The following ANO4 variants were observed in gnomAD, a reference collection of about 807,000 sequenced individuals.
ANO4 encodes anoctamin 4.
ANO4 carries 69 observed loss-of-function variants against 141.9 expected under a neutral mutation model. The ratio of observed to expected loss-of-function variants is 0.49; its 90% confidence interval spans 0.40 to 0.59. The LOEUF (loss-of-function observed/expected upper bound fraction) is 0.59. Ranked by LOEUF, ANO4 falls within the 20% of genes least tolerant of loss-of-function variation. The pLI, the probability that ANO4 is intolerant of heterozygous loss-of-function variation, is 0.00. For synonymous variants in ANO4, 350 were observed against 394.3 expected (o/e 0.89, Z 1.33); for missense variants, 894 against 1,162.2 (o/e 0.77, Z 3.36).
At chr12:100,727,731 T>C (rs2031192019) in intron 1 of ANO4, among the ~76,000 whole-genome samples, 2 of 152,182 alleles carry the variant, frequency 1.3e-5, no homozygotes, top group East Asian at 1.9e-4. Context: ...TCTGTATTTT[T>C]CCTATGACTT....
At chr12:100,924,633 G>T (rs764493199) in intron 3 of ANO4, among the ~76,000 whole-genome samples, 9 of 152,050 alleles carry the variant, frequency 5.9e-5, no homozygotes, top group Non-Finnish European at 1.0e-4. Context: ...ATAAAAATCA[G>T]ATTATTAGAC....
intron 3 of ANO4, 60 bp from the exon 4 acceptor site, chr12:100,939,255 G>C (rs2042407571): frequency 9.2e-6 from 14 of 1,523,390 alleles, no homozygotes; most frequent in African/African-American, 1.4e-5. Flanking sequence ...TTCTCTTTTA[G>C]CATTGCTTTC....
chr12:100,772,048 G>T (rs1025139748), intron 3 of ANO4, among the ~76,000 whole-genome samples: 1 of 152,182 alleles, frequency 6.6e-6, no homozygotes, highest in Non-Finnish European at 1.5e-5. Flanking sequence ...TTCCTGGAGG[G>T]CCAGAACTGA....
At chr12:100,718,443 G>A (rs901249963) in intron 1 of ANO4, among the ~76,000 whole-genome samples, 1 of 152,214 alleles carries the variant, frequency 6.6e-6, no homozygotes, top group Non-Finnish European at 1.5e-5. Context: ...GGAAAGCTGT[G>A]AGCAATTGAT....
chr12:101,011,318 CTT>C (rs59483191), intron 8 of ANO4, among the ~76,000 whole-genome samples: 4 of 110,680 alleles, frequency 3.6e-5, no homozygotes, highest in Admixed American at 1.8e-4. Context: ...GGCCTTTTTT[CTT>C]TTTTTTTTTT....
At chr12:100,771,782 G>A (rs767425478) in intron 3 of ANO4, among the ~76,000 whole-genome samples, 6 of 152,230 alleles carry the variant, frequency 3.9e-5, no homozygotes, top group Non-Finnish European at 8.8e-5. Flanking sequence ...ATCGGCTTCT[G>A]CATGAAGATG....
rs977470803 is a variant in ANO4, at chr12:100,858,760, C to T, written c.-140-42886C>T. On this transcript the variant is annotated intron_variant, in intron 1 of 27. Transcript: ENST00000392977. ...TCCATTTTCCCTCAGCTTCCTATTT[C>T]TTGCCAGTAGCTTCATTGCAAAACC... Among the ~76,000 whole-genome samples the T allele has an allele frequency of 5.9e-5, 9 of 152,170 alleles. 1 individual carries two copies. Among genetic ancestry groups the T allele is most frequent in the Admixed American group, 1.3e-4 (2 of 15,256 alleles).
intron 26 of ANO4, 138 bp downstream of exon 26, chr12:101,120,763 C>A (rs2051054563): frequency 4.7e-6 from 3 of 643,196 alleles, no homozygotes; most frequent in South Asian, 4.6e-5. Context: ...TATGTAACCT[C>A]TTTTTGATCT....
chr12:100,921,139 TGTTGAGAATCTACTTC>T (rs2041614021), intron 2 of ANO4, among the ~76,000 whole-genome samples: 11 of 152,154 alleles, frequency 7.2e-5, no homozygotes, highest in Admixed American at 7.2e-4. Context: ...GAATCTACTT[TGTTGAGAATCTACTTC>T]ATGCCAGCTC....
At chr12:100,739,334 C>A (rs1422469743) in intron 2 of ANO4, among the ~76,000 whole-genome samples, 1 of 152,052 alleles carries the variant, frequency 6.6e-6, no homozygotes, top group Non-Finnish European at 1.5e-5. Context: ...AGTTTCTGAT[C>A]TACTTTAAAA....
At chr12:100,870,735 T>C (rs2038990535) in intron 1 of ANO4, among the ~76,000 whole-genome samples, 1 of 152,174 alleles carries the variant, frequency 6.6e-6, no homozygotes, top group South Asian at 2.1e-4. Context: ...AGGAAATCAA[T>C]ATCTAGGCTT....
chr12:100,781,636 A>T (rs1218776130), intron 3 of ANO4, among the ~76,000 whole-genome samples: 2 of 152,172 alleles, frequency 1.3e-5, no homozygotes, highest in Non-Finnish European at 2.9e-5. Flanking sequence ...ACATTTAAAT[A>T]ATGTCTTACT....
intron 1 of ANO4, among the ~76,000 whole-genome samples, chr12:100,883,488 C>T (rs976964749): frequency 1.3e-5 from 2 of 152,244 alleles, no homozygotes; most frequent in African/African-American, 4.8e-5. Context: ...GACCTCTAAT[C>T]TAAGAGAGAG....
intron 1 of ANO4, among the ~76,000 whole-genome samples, chr12:100,882,890 G>A (rs1450800708): frequency 6.6e-6 from 1 of 152,016 alleles, no homozygotes; most frequent in Non-Finnish European, 1.5e-5. Flanking sequence ...TAGTAGAGAC[G>A]AGGTTTCTCC....
chr12:100,954,210 G>T (rs975026789), intron 5 of ANO4, among the ~76,000 whole-genome samples: 1 of 152,096 alleles, frequency 6.6e-6, no homozygotes, highest in African/African-American at 2.4e-5. Flanking sequence ...GGAATGAAGT[G>T]TTCAATAAAT....
intron 2 of ANO4, among the ~76,000 whole-genome samples, chr12:100,919,736 GTATCTATCTATCTATCTATCTATCTATC>G (rs371838179): frequency 7.5e-6 from 1 of 133,056 alleles, no homozygotes. Context: ...GTGTATGTAT[GTATCTATCTATCTATCTATCTATCTATC>G]TATCTATCTA....
intron 22 of ANO4, among the ~76,000 whole-genome samples, chr12:101,108,764 T>G (rs1303559905): frequency 1.3e-5 from 2 of 152,162 alleles, no homozygotes; most frequent in African/African-American, 4.8e-5. Flanking sequence ...TTGTTTTGCA[T>G]CAGAAACCAC....
chr12:101,011,311 C>CTT (rs11440615), intron 8 of ANO4, among the ~76,000 whole-genome samples: 5 of 143,834 alleles, frequency 3.5e-5, no homozygotes, highest in East Asian at 2.0e-4. Context: ...GAATCATGGC[C>CTT]TTTTTTCTTT....
intron 3 of ANO4, among the ~76,000 whole-genome samples, chr12:100,789,629 G>A (rs185443371): frequency 3.3e-5 from 5 of 152,290 alleles, no homozygotes; most frequent in Admixed American, 2.0e-4. Flanking sequence ...GTGACACAGC[G>A]CACTGAGCTG....
Sources: gnomAD v4.1 joint callset for allele counts (sites outside exome capture counted in the v4.1 genomes callset) on GRCh38, gnomAD v4.1.1 for gene constraint, MANE v1.5 for transcripts, NCBI Gene and HGNC (gene_info 2026-07-23, HGNC 2026-07-21) for gene names.